PTN: variants seen among roughly 807,000 people sequenced by gnomAD.
PTN encodes pleiotrophin.
Under a neutral mutation model 24.1 loss-of-function variants are expected in PTN, and 18 were observed. The observed-to-expected ratio is 0.75, with a 90% confidence interval of 0.52 to 1.11. PTN has a LOEUF of 1.11. Ranked by LOEUF, PTN falls within the 50% of genes least tolerant of loss-of-function variation. PTN has a pLI of 0.00. For synonymous variants in PTN, 78 were observed against 68.6 expected, an observed-to-expected ratio of 1.14 and a Z score of -0.67; for missense variants, 163 against 198.8, an observed-to-expected ratio of 0.82 and a Z score of 1.08.
At chr7:137,275,306 T>C (rs1368687634) in intron 1 of PTN, among the ~76,000 whole-genome samples, 2 of 152,186 alleles carry the variant, frequency 1.3e-5, no homozygotes, top group Non-Finnish European at 2.9e-5. Flanking sequence ...GTGTGAAGTA[T>C]ATAGGTCAGT....
chr7:137,323,722 G>T (rs1810203500), intron 1 of PTN, among the ~76,000 whole-genome samples: 1 of 152,112 alleles, frequency 6.6e-6, no homozygotes, highest in Non-Finnish European at 1.5e-5. Context: ...TTATCTCAAT[G>T]GTCTCAAACT....
At chr7:137,317,447 T>C (rs1175061723) in intron 1 of PTN, among the ~76,000 whole-genome samples, 2 of 152,194 alleles carry the variant, frequency 1.3e-5, no homozygotes, top group African/African-American at 2.4e-5. Context: ...GTAAAGAGTG[T>C]GGGAGGAATC....
intron 1 of PTN, among the ~76,000 whole-genome samples, chr7:137,341,706 G>A (rs1215364785): frequency 6.6e-6 from 1 of 152,102 alleles, no homozygotes; most frequent in Non-Finnish European, 1.5e-5. Context: ...GTTCCTTATA[G>A]TGGCTTTTCA....
chr7:137,338,028 C>T (rs1810476894), intron 1 of PTN, among the ~76,000 whole-genome samples: 1 of 152,004 alleles, frequency 6.6e-6, no homozygotes, highest in African/African-American at 2.4e-5. Flanking sequence ...GGGCTGGTGT[C>T]AAATGGTGAG....
chr7:137,272,262 C>T (rs1195281771), intron 1 of PTN, among the ~76,000 whole-genome samples: 2 of 152,108 alleles, frequency 1.3e-5, no homozygotes, highest in Non-Finnish European at 2.9e-5. Flanking sequence ...CTGTCTTTTC[C>T]ACTCCTGCAC....
chr7:137,228,136 T>C, intron 4 of PTN, 61 bp from the exon 5 acceptor site: 1 of 1,094,932 alleles, frequency 9.1e-7, no homozygotes, highest in South Asian at 1.3e-5. Flanking sequence ...GTTACTAAAT[T>C]GCAGGGAAGA....
chr7:137,227,913 C>T lies in PTN; in HGVS notation c.*107G>A. The T allele has an allele frequency of 2.1e-6, 3 of 1,451,608 alleles. No homozygotes were observed. The highest frequency in any genetic ancestry group is 1.8e-4 in the Middle Eastern group (1 of 5,468). 89.9% of individuals were successfully genotyped at this position (1,451,608 alleles called of 1,614,324 possible). ...TCTTTTTGTTTTTGCTTATTGTGTA[C>T]TTAGCTATAGATAATTTTTGAATAC... On this transcript the variant is annotated 3_prime_UTR_variant, in exon 5 of 5. Transcript: ENST00000348225.
chr7:137,312,191 T>C (rs75193610), intron 1 of PTN, among the ~76,000 whole-genome samples: 1 of 152,196 alleles, frequency 6.6e-6, no homozygotes, highest in Admixed American at 6.5e-5. Flanking sequence ...TGAGTGCCAA[T>C]AGCAAAGCCA....
chr7:137,284,772 T>C lies in PTN; in HGVS notation c.-1-29798A>G, dbSNP rs145704805. Among the ~76,000 whole-genome samples, 71 of 152,298 alleles carry C rather than the reference T, an allele frequency of 4.7e-4. No individual in the cohort carries two copies. In the East Asian group the frequency reaches 0.012, roughly 27 times the overall value. ...GACAGAAGATTCCCTCCTTCACCTG[T>C]TCCGTAAAGACTTAATAATTAGAAT... is the stretch of plus-strand genomic sequence containing the variant. On this transcript the variant is annotated intron_variant, in intron 1 of 4. Coordinates refer to ENST00000348225, the MANE Select transcript of PTN (RefSeq NM_002825.7).
chr7:137,276,540 C>T (rs766585299), intron 1 of PTN, among the ~76,000 whole-genome samples: 6 of 152,152 alleles, frequency 3.9e-5, no homozygotes, highest in African/African-American at 4.8e-5. Flanking sequence ...GGCACATGTA[C>T]GCAAGACTTC....
At chr7:137,308,421 A>G (rs1257074078) in intron 1 of PTN, among the ~76,000 whole-genome samples, 1 of 152,202 alleles carries the variant, frequency 6.6e-6, no homozygotes, top group Non-Finnish European at 1.5e-5. Context: ...ACGTACATAC[A>G]TATATACAAA....
At chr7:137,312,232 C>A (rs1809993968) in intron 1 of PTN, among the ~76,000 whole-genome samples, 1 of 152,152 alleles carries the variant, frequency 6.6e-6, no homozygotes, top group Non-Finnish European at 1.5e-5. Context: ...TAATCATTTT[C>A]CAGTGAAAAT....
At chr7:137,306,189 C>T (rs1198410393) in intron 1 of PTN, among the ~76,000 whole-genome samples, 1 of 152,016 alleles carries the variant, frequency 6.6e-6, no homozygotes, top group Non-Finnish European at 1.5e-5. Flanking sequence ...CTTCCAGTTG[C>T]CCTCTTTAAA....
intron 4 of PTN, among the ~76,000 whole-genome samples, chr7:137,228,320 T>C (rs562572398): frequency 1.3e-5 from 2 of 151,742 alleles, no homozygotes; most frequent in South Asian, 2.1e-4. Flanking sequence ...AGGAGGAACA[T>C]AGCCTGCTTC....
At chr7:137,322,017 G>C (rs929536042) in intron 1 of PTN, among the ~76,000 whole-genome samples, 1 of 152,156 alleles carries the variant, frequency 6.6e-6, no homozygotes, top group South Asian at 2.1e-4. Context: ...ACAGAAACAT[G>C]TTTAGCTGAA....
chr7:137,328,326 T>C (rs1027731127), intron 1 of PTN, among the ~76,000 whole-genome samples: 1 of 152,140 alleles, frequency 6.6e-6, no homozygotes, highest in Non-Finnish European at 1.5e-5. Flanking sequence ...TTTAGAGAAA[T>C]AGAGGCTCAA....
rs537568763 is a variant in PTN, at chr7:137,330,101, A to T, written c.-2+13338T>A. On this transcript the variant is annotated intron_variant, in intron 1 of 4. Transcript: ENST00000348225. ...CAGGAGTTCAAGATCAGCCTGGCCA[A>T]CATGGTGAAACCCCGTCTTTACTAA... Among the ~76,000 whole-genome samples, 4 of 152,278 alleles carry T rather than the reference A, an allele frequency of 2.6e-5. No homozygotes were observed. The East Asian group carries it at 7.7e-4, about 29-fold the overall frequency.
Position 137,265,008 on chromosome 7 carries a change from A to G in PTN, c.-1-10034T>C, listed in dbSNP as rs1431391777. Among the ~76,000 whole-genome samples, 20 of 151,458 alleles carry G rather than the reference A, an allele frequency of 1.3e-4. No homozygotes were observed. In the East Asian group the frequency reaches 3.9e-3, roughly 29 times the overall value. ...TTTTTTTTTGACACATAGAGTGTAAAAAGTTTTGTCAGGTCAGGTGGCCCC... is the reference window on the plus strand; with the variant it reads ...TTTTTTTTTGACACATAGAGTGTAAGAAGTTTTGTCAGGTCAGGTGGCCCC... On this transcript the variant is annotated intron_variant, in intron 1 of 4. Transcript: ENST00000348225.
chr7:137,235,597 T>G (rs1808505507), intron 4 of PTN, among the ~76,000 whole-genome samples: 1 of 152,202 alleles, frequency 6.6e-6, no homozygotes. Context: ...TCTTCTTTGA[T>G]TTCCTATTTT....
Sources: gnomAD v4.1 joint callset for allele counts (sites outside exome capture counted in the v4.1 genomes callset) on GRCh38, gnomAD v4.1.1 for gene constraint, MANE v1.5 for transcripts, NCBI Gene and HGNC (gene_info 2026-07-23, HGNC 2026-07-21) for gene names.